CDH18: variants seen among roughly 807,000 people sequenced by gnomAD.
The protein encoded by CDH18 is cadherin-18.
Under a neutral mutation model 67.9 loss-of-function variants are expected in CDH18, and 31 were observed. The ratio of observed to expected loss-of-function variants is 0.46; its 90% CI spans 0.34 to 0.62. CDH18 has a LOEUF of 0.62. Ranked by LOEUF, CDH18 falls within the 20% of genes least tolerant of loss-of-function variation. The pLI, the probability that CDH18 is intolerant of heterozygous loss-of-function variation, is 0.01. For synonymous variants in CDH18, 362 were observed against 347.2 expected, an observed-to-expected ratio of 1.04 and a Z score of -0.48; for missense variants, 890 against 975.5, an observed-to-expected ratio of 0.91 and a Z score of 1.17.
chr5:20,301,759 C>G (rs1434122180), intron 1 of CDH18, among the ~76,000 whole-genome samples: 1 of 149,438 alleles, frequency 6.7e-6, no homozygotes. Context: ...CCCCTCCACA[C>G]CAGAAAAGGT....
intron 9 of CDH18, among the ~76,000 whole-genome samples, chr5:19,542,530 G>A (rs562235037): frequency 6.6e-6 from 1 of 152,042 alleles, no homozygotes; most frequent in African/African-American, 2.4e-5. Context: ...GTCAAGTAAA[G>A]AATGGATAAA....
chr5:20,362,551 T>C (rs1202227224), intron 1 of CDH18, among the ~76,000 whole-genome samples: 1 of 152,170 alleles, frequency 6.6e-6, no homozygotes, highest in Non-Finnish European at 1.5e-5. Context: ...TCATTGCTTC[T>C]ACTTGGCTTT....
chr5:19,647,752 C>A (rs1033937897), intron 5 of CDH18, among the ~76,000 whole-genome samples: 1 of 151,924 alleles, frequency 6.6e-6, no homozygotes, highest in African/African-American at 2.4e-5. Flanking sequence ...TTCATACTCA[C>A]CCTGCGTTTG....
At chr5:20,256,587 A>G (rs1744249652) in intron 1 of CDH18, among the ~76,000 whole-genome samples, 1 of 152,056 alleles carries the variant, frequency 6.6e-6, no homozygotes, top group Admixed American at 6.6e-5. Context: ...TTATTTTGGG[A>G]ATGCTGGGAG....
At chr5:19,849,665 T>C (rs1392390274) in intron 2 of CDH18, among the ~76,000 whole-genome samples, 6 of 50,822 alleles carry the variant, frequency 1.2e-4, no homozygotes, top group African/African-American at 2.8e-4. Flanking sequence ...CATATATATA[T>C]ACACGCATAT....
At chr5:20,080,762 G>T (rs761329459) in intron 2 of CDH18, among the ~76,000 whole-genome samples, 1 of 152,044 alleles carries the variant, frequency 6.6e-6, no homozygotes, top group East Asian at 1.9e-4. Flanking sequence ...TGTAAATGAA[G>T]AATTAAAGAA....
At chr5:19,821,592 C>T (rs748580812) in intron 3 of CDH18, among the ~76,000 whole-genome samples, 17 of 151,748 alleles carry the variant, frequency 1.1e-4, no homozygotes, top group Non-Finnish European at 1.9e-4. Flanking sequence ...GACAAGCAAA[C>T]GTAAAATAAA....
chr5:19,650,560 A>T (rs898769304), intron 5 of CDH18, among the ~76,000 whole-genome samples: 1 of 152,066 alleles, frequency 6.6e-6, no homozygotes, highest in Non-Finnish European at 1.5e-5. Context: ...GAGGACACTC[A>T]CACTTGGAAA....
At chr5:20,460,115 C>A (rs10074619) in intron 1 of CDH18, among the ~76,000 whole-genome samples, 1 of 151,750 alleles carries the variant, frequency 6.6e-6, no homozygotes, top group Non-Finnish European at 1.5e-5. Flanking sequence ...ATGTGGCAGG[C>A]CGGGCGCAGT....
chr5:19,936,958 T>A (rs1794343923), intron 2 of CDH18, among the ~76,000 whole-genome samples: 1 of 151,238 alleles, frequency 6.6e-6, no homozygotes, highest in Admixed American at 6.6e-5. Flanking sequence ...CTTCTTAGAG[T>A]AATAATACCA....
chr5:20,005,588 A>T (rs1271750835), intron 2 of CDH18, among the ~76,000 whole-genome samples: 1 of 151,976 alleles, frequency 6.6e-6, no homozygotes. Flanking sequence ...ATACATATAC[A>T]CACACATACA....
At chr5:20,121,974 A>G (rs1748390900) in intron 2 of CDH18, among the ~76,000 whole-genome samples, 1 of 152,228 alleles carries the variant, frequency 6.6e-6, no homozygotes, top group South Asian at 2.1e-4. Flanking sequence ...TGTGGGCTTC[A>G]TAGTCATTGT....
At chr5:20,131,570 G>A (rs1749267168) in intron 2 of CDH18, among the ~76,000 whole-genome samples, 2 of 152,176 alleles carry the variant, frequency 1.3e-5, no homozygotes, top group South Asian at 4.1e-4. Context: ...GAACAATCCA[G>A]TCTATTGTGT....
chr5:19,859,814 G>C (rs190417675), intron 2 of CDH18, among the ~76,000 whole-genome samples: 1 of 152,174 alleles, frequency 6.6e-6, no homozygotes, highest in East Asian at 1.9e-4. Flanking sequence ...CAACCACCTT[G>C]GGCACATGTT....
intron 2 of CDH18, among the ~76,000 whole-genome samples, chr5:20,172,671 G>A (rs1235470654): frequency 1.3e-5 from 2 of 151,990 alleles, no homozygotes; most frequent in Middle Eastern, 3.4e-3. Context: ...ATATGAAGCA[G>A]GATTATAAGT....
At chr5:20,241,505 C>T (rs1004741670) in intron 2 of CDH18, among the ~76,000 whole-genome samples, 1 of 151,968 alleles carries the variant, frequency 6.6e-6, no homozygotes, top group Admixed American at 6.6e-5. Flanking sequence ...GAGGCTCTAC[C>T]TCCACAAGGA....
intron 2 of CDH18, among the ~76,000 whole-genome samples, chr5:19,968,846 A>T (rs1039946124): frequency 5.5e-5 from 8 of 145,424 alleles, no homozygotes; most frequent in Non-Finnish European, 1.2e-4. Flanking sequence ...GACAAATGGG[A>T]TCTAATTAAA....
intron 5 of CDH18, among the ~76,000 whole-genome samples, chr5:19,691,600 G>T (rs1761900138): frequency 6.6e-6 from 1 of 151,596 alleles, no homozygotes; most frequent in African/African-American, 2.4e-5. Flanking sequence ...TAATGAGCTA[G>T]CTAAAAAAGA....
chr5:20,026,536 T>A (rs1370719451), intron 2 of CDH18, among the ~76,000 whole-genome samples: 1 of 152,184 alleles, frequency 6.6e-6, no homozygotes, highest in Non-Finnish European at 1.5e-5. Context: ...TAGCAAAATA[T>A]AAATGTCTTT....
Sources: allele counts gnomAD v4.1 joint callset (sites outside exome capture counted in the v4.1 genomes callset), GRCh38; gene constraint gnomAD v4.1.1; transcripts MANE v1.5; gene names NCBI Gene and HGNC (gene_info 2026-07-23, HGNC 2026-07-21).